The following TAFA2 variants were observed in gnomAD, a reference collection of about 807,000 sequenced individuals.
The protein encoded by TAFA2 is TAFA chemokine like family member 2, also known as chemokine-like protein TAFA-2.
Under a neutral mutation model 18.8 loss-of-function variants are expected in TAFA2, and 7 were observed. The ratio of observed to expected loss-of-function variants is 0.37; its 90% CI spans 0.21 to 0.70. The LOEUF (loss-of-function observed/expected upper bound fraction) is 0.70, where lower values mean the gene tolerates loss of function less well. Ranked by LOEUF, TAFA2 falls within the 30% of genes least tolerant of loss-of-function variation. The pLI is 0.53. For synonymous variants in TAFA2, 60 were observed against 54.2 expected, an observed-to-expected ratio of 1.11 and a Z score of -0.47; for missense variants, 122 against 158.1, an observed-to-expected ratio of 0.77 and a Z score of 1.23.
intron 1 of TAFA2, chr12:62,070,290 G>A (rs878866877): frequency 6.6e-6 from 1 of 152,092 alleles, no homozygotes; most frequent in Non-Finnish European, 1.5e-5. Flanking sequence ...ATACAGACAA[G>A]AAAAGTCTGT....
chr12:61,937,329 A>C (rs1877811569), intron 1 of TAFA2, among the ~76,000 whole-genome samples: 1 of 152,206 alleles, frequency 6.6e-6, no homozygotes, highest in Non-Finnish European at 1.5e-5. Flanking sequence ...GGAACCAAAA[A>C]AGAGCCCAAA....
At chr12:61,985,768 A>AT (rs1217925512) in intron 1 of TAFA2, among the ~76,000 whole-genome samples, 1 of 152,194 alleles carries the variant, frequency 6.6e-6, no homozygotes, top group Non-Finnish European at 1.5e-5. Context: ...CGGAATTATG[A>AT]TTTTCAGCAC....
At chr12:62,021,270 G>C (rs114516397) in intron 1 of TAFA2, among the ~76,000 whole-genome samples, 145 of 152,190 alleles carry the variant, frequency 9.5e-4, no homozygotes, top group African/African-American at 3.3e-3. Context: ...ATAAGGAAAG[G>C]CTTCTTTTTT....
intron 1 of TAFA2, among the ~76,000 whole-genome samples, chr12:62,056,346 C>T (rs1234324815): frequency 2.6e-5 from 4 of 152,050 alleles, no homozygotes; most frequent in East Asian, 3.8e-4. Context: ...GAATAGAATA[C>T]GATTACATAA....
chr12:62,064,372 A>G (rs796068811), intron 1 of TAFA2, among the ~76,000 whole-genome samples: 3 of 152,112 alleles, frequency 2.0e-5, no homozygotes, highest in African/African-American at 7.2e-5. Context: ...CATTCCACAA[A>G]CCCACTTGGT....
At chr12:62,245,948 T>G (rs779254603) in intron 1 of TAFA2, among the ~76,000 whole-genome samples, 9 of 150,980 alleles carry the variant, frequency 6.0e-5, no homozygotes, top group Non-Finnish European at 1.0e-4. Flanking sequence ...TAAATATCAC[T>G]CTTGGTATTG....
At chr12:61,930,489 A>T (rs1347502511) in intron 1 of TAFA2, among the ~76,000 whole-genome samples, 1 of 152,196 alleles carries the variant, frequency 6.6e-6, no homozygotes, top group Non-Finnish European at 1.5e-5. Flanking sequence ...ACAACCTTAA[A>T]AGTAAACACT....
intron 1 of TAFA2, among the ~76,000 whole-genome samples, chr12:62,220,628 T>C (rs947783116): frequency 6.6e-6 from 1 of 152,236 alleles, no homozygotes; most frequent in East Asian, 1.9e-4. Flanking sequence ...GTTCATTGAC[T>C]GTAACAAATG....
chr12:62,211,711 T>C (rs2062715059), intron 1 of TAFA2, among the ~76,000 whole-genome samples: 1 of 152,204 alleles, frequency 6.6e-6, no homozygotes, highest in Non-Finnish European at 1.5e-5. Flanking sequence ...CAACCGCTAT[T>C]GTGAAATCCT....
intron 1 of TAFA2, among the ~76,000 whole-genome samples, chr12:62,092,925 G>A (rs1347068885): frequency 6.6e-6 from 1 of 151,924 alleles, no homozygotes; most frequent in Non-Finnish European, 1.5e-5. Context: ...TTACAATTAA[G>A]TGAATACTCG....
intron 1 of TAFA2, among the ~76,000 whole-genome samples, chr12:61,890,963 T>C (rs1449757956): frequency 6.6e-6 from 1 of 152,226 alleles, no homozygotes; most frequent in East Asian, 1.9e-4. Flanking sequence ...CCTGGAATTT[T>C]CTTGCTATAT....
intron 1 of TAFA2, among the ~76,000 whole-genome samples, chr12:62,061,468 T>C (rs1053097116): frequency 4.6e-5 from 7 of 152,248 alleles, no homozygotes; most frequent in Non-Finnish European, 7.3e-5. Flanking sequence ...AATTACACTC[T>C]GTGATGTCAC....
chr12:62,055,034 T>A (rs1882152102), intron 1 of TAFA2, among the ~76,000 whole-genome samples: 1 of 152,112 alleles, frequency 6.6e-6, no homozygotes, highest in Admixed American at 6.5e-5. Flanking sequence ...GTGATAGTAT[T>A]AGGAGGTGAG....
intron 1 of TAFA2, among the ~76,000 whole-genome samples, chr12:62,011,686 C>T (rs1027477066): frequency 1.4e-4 from 21 of 150,930 alleles, no homozygotes; most frequent in African/African-American, 5.1e-4. Flanking sequence ...CTTCTCTCCA[C>T]TATTATCCTA....
At position 61,886,863 on chromosome 12, in the gene TAFA2, G is replaced by C. The variant is rs1034258048; in HGVS notation, c.-1-19437C>G. Among the ~76,000 whole-genome samples, 10 of 152,186 alleles carry C rather than the reference G, an allele frequency of 6.6e-5. 1 individual carries two copies. On this transcript the variant is annotated intron_variant, in intron 1 of 4. Coordinates refer to ENST00000416284, the MANE Select transcript of TAFA2 (RefSeq NM_178539.5). ...GACGATGTAATGATAGTACTGAATA[G>C]TGGGAAACTTGGGAACCAGACTTCC...
chr12:62,044,658 C>T (rs1324819737), intron 1 of TAFA2, among the ~76,000 whole-genome samples: 1 of 152,116 alleles, frequency 6.6e-6, no homozygotes, highest in Non-Finnish European at 1.5e-5. Flanking sequence ...AATCAACAGT[C>T]CTAGGCAGAC....
intron 1 of TAFA2, among the ~76,000 whole-genome samples, chr12:62,213,925 G>T (rs1211358065): frequency 6.6e-6 from 1 of 152,142 alleles, no homozygotes; most frequent in Non-Finnish European, 1.5e-5. Flanking sequence ...TCCTAGACCT[G>T]TGTACAAACA....
chr12:61,911,060 G>A (rs1476259695), intron 1 of TAFA2, among the ~76,000 whole-genome samples: 2 of 152,136 alleles, frequency 1.3e-5, no homozygotes, highest in East Asian at 3.9e-4. Flanking sequence ...GTGTTAATTG[G>A]TATTTTGTCC....
intron 1 of TAFA2, among the ~76,000 whole-genome samples, chr12:62,232,954 C>T (rs939705546): frequency 3.3e-5 from 5 of 151,754 alleles, no homozygotes; most frequent in African/African-American, 1.2e-4. Flanking sequence ...GCCGTTAGCT[C>T]CTAGTTTTCC....
Sources: allele counts gnomAD v4.1 joint callset (sites outside exome capture counted in the v4.1 genomes callset), GRCh38; gene constraint gnomAD v4.1.1; transcripts MANE v1.5; gene names NCBI Gene and HGNC (gene_info 2026-07-23, HGNC 2026-07-21).